Variants in DHX30 observed in about 807,000 individuals in gnomAD.
DHX30 encodes ATP-dependent RNA helicase DHX30.
In DHX30, 4 loss-of-function variants were observed where a neutral mutation model predicts 116.9. The ratio of observed to expected loss-of-function variants is 0.03; its 90% CI spans 0.02 to 0.08. The LOEUF (loss-of-function observed/expected upper bound fraction) is 0.08. Among genes scored for constraint, DHX30 ranks in the 10% least tolerant of loss-of-function variants. The probability of loss-of-function intolerance (pLI) is 1.00; values close to 1 mark genes in which losing one functional copy is unlikely to be tolerated. For synonymous variants in DHX30, 697 were observed against 651.7 expected (o/e 1.07, Z -1.06); for missense variants, 871 against 1,595.1 (o/e 0.55, Z 7.73).
chr3:47,832,269 C>T (rs2036895907), intron 6 of DHX30, among the ~76,000 whole-genome samples: 1 of 152,112 alleles, frequency 6.6e-6, no homozygotes, highest in African/African-American at 2.4e-5. Context: ...TGCATTTCGT[C>T]CTCAGCCACT....
At chr3:47,829,980 C>T (rs917050485) in intron 6 of DHX30, among the ~76,000 whole-genome samples, 29 of 151,220 alleles carry the variant, frequency 1.9e-4, no homozygotes, top group East Asian at 6.0e-4. Context: ...TACAGGTGCC[C>T]GCCACCATGC....
intron 6 of DHX30, among the ~76,000 whole-genome samples, 181 bp downstream of exon 6, chr3:47,829,315 T>TATATATATATATATATATATATA (rs869292091): frequency 3.0e-5 from 1 of 32,852 alleles, no homozygotes; most frequent in South Asian, 1.6e-3. Flanking sequence ...TATATATATA[T>TATATATATATATATATATATATA]TTTTTTTTTT....
At chr3:47,826,576 G>C (rs1404012620) in intron 4 of DHX30, among the ~76,000 whole-genome samples, 1 of 151,770 alleles carries the variant, frequency 6.6e-6, no homozygotes, top group East Asian at 1.9e-4. Flanking sequence ...CTCCCAAGTA[G>C]CTGGGACTAC....
In DHX30 at chr3:47,818,064, C is replaced by A. The variant is rs762509799; in HGVS notation, c.71C>A (p.Pro24His). 7.7e-6 allele frequency: 6 copies of A among 781,054 alleles called. No individual in the cohort carries two copies. In the East Asian group the frequency reaches 1.5e-4, roughly 19 times the overall value. The allele number at this position is 781,054 out of a possible 1,614,324, so 48.4% of individuals were successfully genotyped here. Residue 24 changes from proline (P) to histidine (H), a missense_variant, in exon 4 of 22, where the codon CCC becomes CAC. By Grantham distance (77) the Pro-to-His change is moderately conservative. Transcript: ENST00000445061. Reference sequence around the variant, plus strand: ...CAGCGTCAGTGCAAACTTCCCCCACCCCGCCTTCCACCCATGTGTGTCAAC... The same window carrying A: ...CAGCGTCAGTGCAAACTTCCCCCACACCGCCTTCCACCCATGTGTGTCAAC... The part of the protein sequence containing the change: ...HRQRQCKLPP[P>H]RLPPMCVNPT...
intron 3 of DHX30, among the ~76,000 whole-genome samples, chr3:47,815,723 C>CAAAAAAAAAAAAAAAAA (rs11349970): frequency 3.7e-3 from 76 of 20,766 alleles, no homozygotes; most frequent in Middle Eastern, 0.077. Context: ...TAAAAAAGAG[C>CAAAAAAAAAAAAAAAAA]AAAAAAAAAA....
chr3:47,821,582 T>G (rs1269273797), intron 4 of DHX30, among the ~76,000 whole-genome samples: 1 of 145,962 alleles, frequency 6.9e-6, no homozygotes, highest in Non-Finnish European at 1.5e-5. Flanking sequence ...TTTTCTAACT[T>G]TCTTTAAGGT....
intron 3 of DHX30, among the ~76,000 whole-genome samples, chr3:47,814,482 G>T (rs181101724): frequency 1.3e-5 from 2 of 149,928 alleles, no homozygotes; most frequent in East Asian, 3.9e-4. Context: ...TCTGAGCGCC[G>T]TGTCTCATGC....
chr3:47,837,349 A>G (rs1401326750), intron 6 of DHX30, among the ~76,000 whole-genome samples: 1 of 152,202 alleles, frequency 6.6e-6, no homozygotes, highest in African/African-American at 2.4e-5. Context: ...GTGGTAATTG[A>G]TAGAATGACA....
At chr3:47,820,753 A>G (rs2036258565) in intron 4 of DHX30, among the ~76,000 whole-genome samples, 1 of 152,138 alleles carries the variant, frequency 6.6e-6, no homozygotes, top group African/African-American at 2.4e-5. Flanking sequence ...CCGATCCAGA[A>G]GTGGATAGAG....
intron 4 of DHX30, chr3:47,825,300 G>A (rs2036501877): frequency 1.8e-6 from 1 of 547,106 alleles, no homozygotes; most frequent in East Asian, 3.5e-5. Flanking sequence ...CTCCTGGGAT[G>A]GCAGAGCTAG....
chr3:47,808,162 G>C (rs2035619267), intron 2 of DHX30, among the ~76,000 whole-genome samples: 1 of 151,444 alleles, frequency 6.6e-6, no homozygotes, highest in Admixed American at 6.6e-5. Context: ...TGCTTGCCTC[G>C]GCCTCCCAAA....
chr3:47,848,245 C>T lies in DHX30; in HGVS notation c.2352C>T (p.Gly784=). Residue 784 remains glycine (G), a synonymous_variant, in exon 15 of 22, where the codon GGC becomes GGT. Coordinates refer to ENST00000445061, the MANE Select transcript of DHX30 (RefSeq NM_138615.3). The surrounding 1 kb of genome is among the most constrained non-coding windows in gnomAD (Gnocchi z 9.4). ...ANVIQRRGRA[G]RCQSGFAYHL... The stretch of plus-strand genomic sequence containing the variant: ...TGATCCAGCGCCGGGGCCGGGCGGG[C>T]CGCTGCCAGTCCGGCTTTGCCTACC... 3 of 1,613,456 alleles carry T rather than the reference C, an allele frequency of 1.9e-6. No individual in the cohort carries two copies. The highest frequency in any genetic ancestry group is 2.5e-6 in the Non-Finnish European group (3 of 1,179,940).
In DHX30 at chr3:47,847,484, G is replaced by A. The variant is rs2037667120; in HGVS notation, c.2058G>A (p.Gln686=). ...GGCAGGAGATCAAAGGAGTGCAGCA[G>A]CGCCTCCAGGAGGCCCTGGGCATGC... The part of the protein sequence containing the change: ...PGWQEIKGVQ[Q]RLQEALGMHE... The change falls in exon 13 of 22, where the codon CAG becomes CAA. Residue 686 remains glutamine (Q), a synonymous_variant. Coordinates refer to ENST00000445061, the MANE Select transcript of DHX30 (RefSeq NM_138615.3). This position sits in a 1 kb window ranked among gnomAD's most constrained non-coding sequence, Gnocchi z 5.5. 1 of 1,613,144 alleles carries A rather than the reference G, an allele frequency of 6.2e-7. No homozygotes were observed. Among genetic ancestry groups the A allele is most frequent in the African/African-American group, 1.3e-5 (1 of 75,030 alleles).
At position 47,838,576 on chromosome 3, in the gene DHX30, A is replaced by G. The variant is rs551246044; in HGVS notation, c.367-2301A>G. On this transcript the variant is annotated intron_variant, in intron 6 of 21. Coordinates refer to ENST00000445061, the MANE Select transcript of DHX30 (RefSeq NM_138615.3). ...GGAGAAAGTTTTATGAAGGCAGGCC[A>G]TGGTCACTCTCCAGCTTGTCATGAG... 5.9e-5 allele frequency among the ~76,000 whole-genome samples: 9 copies of G among 152,338 alleles called. No homozygotes were observed. The East Asian group carries it at 1.7e-3, about 29-fold the overall frequency.
In DHX30 at chr3:47,840,954, C is replaced by T. The variant is rs2037345670; in HGVS notation, c.444C>T (p.Ser148=). 2.5e-6 allele frequency: 4 copies of T among 1,614,114 alleles called. No homozygotes were observed. Among genetic ancestry groups the T allele is most frequent in the Non-Finnish European group, 3.4e-6 (4 of 1,180,060 alleles). The part of the protein sequence containing the change: ...KYRVLADRFG[S]PADSWWRPEP... ...GAGTGCTAGCTGATCGCTTTGGCTC[C>T]CCTGCCGACAGCTGGTGGCGTCCGG... Residue 148 remains serine (S), a synonymous_variant, in exon 7 of 22, where the codon TCC becomes TCT. Transcript: ENST00000445061.
Position 47,848,654 on chromosome 3 carries a change from C to A in DHX30, c.2606C>A (p.Thr869Asn), listed in dbSNP as rs747249055. 2 of 1,614,090 alleles carry A rather than the reference C, an allele frequency of 1.2e-6. No individual in the cohort carries two copies. Among genetic ancestry groups the A allele is most frequent in the East Asian group, 2.2e-5 (1 of 44,874 alleles). The change falls in exon 17 of 22, where the codon ACC becomes AAC. Residue 869 changes from threonine to asparagine, a missense_variant. Physicochemically the swap from Thr to Asn is moderately conservative, Grantham distance 65. This residue lies in a region of DHX30 where 238 missense variants were observed against 481.0 expected (regional missense o/e 0.49). Coordinates refer to ENST00000445061, the MANE Select transcript of DHX30 (RefSeq NM_138615.3). The surrounding 1 kb of genome is among the most constrained non-coding windows in gnomAD (Gnocchi z 9.4). ...CTGGACCAGCGGGAGTACCTGACTA[C>A]CCTGGGGCAGCGCCTGGCTCACATC... ...GVLDQREYLTTLGQRLAHIST... is the reference protein window; with the variant it reads ...GVLDQREYLTNLGQRLAHIST...
At position 47,847,126 on chromosome 3, in the gene DHX30, A is replaced by C; in HGVS notation, c.1929+125A>C. On this transcript the variant is annotated intron_variant, in intron 11 of 21. Coordinates refer to ENST00000445061, the MANE Select transcript of DHX30 (RefSeq NM_138615.3). The surrounding 1 kb of genome is among the most constrained non-coding windows in gnomAD (Gnocchi z 5.5). ...CCCCAGTCCTCGGTTTCCTTGATAGAAACTGGGGACTAACCCTGCCTGCGT... is the reference window on the plus strand; with the variant it reads ...CCCCAGTCCTCGGTTTCCTTGATAGCAACTGGGGACTAACCCTGCCTGCGT... 1 of 1,482,692 alleles carries C rather than the reference A, an allele frequency of 6.7e-7. No individual in the cohort carries two copies. The highest frequency in any genetic ancestry group is 1.2e-5 in the South Asian group (1 of 80,678). The allele number at this position is 1,482,692 out of a possible 1,614,324, so 91.8% of individuals were successfully genotyped here.
At chr3:47,840,711 C>G (rs2037333803) in intron 6 of DHX30, among the ~76,000 whole-genome samples, 166 bp from the exon 7 acceptor site, 1 of 152,166 alleles carries the variant, frequency 6.6e-6, no homozygotes, top group Non-Finnish European at 1.5e-5. Flanking sequence ...CAAAGCTAGG[C>G]ATCTTTGAGA....
At chr3:47,826,699 G>A (rs571488435) in intron 4 of DHX30, among the ~76,000 whole-genome samples, 1 of 147,046 alleles carries the variant, frequency 6.8e-6, no homozygotes, top group South Asian at 2.1e-4. Flanking sequence ...TGATCCACCC[G>A]CCTTGGCCTC....
Sources: gnomAD v4.1 joint callset for allele counts (sites outside exome capture counted in the v4.1 genomes callset) on GRCh38, gnomAD v4.1.1 for gene constraint, gnomAD v4.1.1 regional missense constraint, Gnocchi (gnomAD v3.1) non-coding constraint, MANE v1.5 for transcripts, NCBI Gene and HGNC (gene_info 2026-07-23, HGNC 2026-07-21) for gene names.